The following PDE5A variants were observed in gnomAD, a reference collection of about 807,000 sequenced individuals.
The protein encoded by PDE5A is phosphodiesterase 5A.
In PDE5A, 67 loss-of-function variants were observed where a neutral mutation model predicts 110.2. The observed-to-expected ratio is 0.61, with a 90% CI of 0.50 to 0.75. PDE5A has a LOEUF of 0.75. Among genes scored for constraint, PDE5A ranks in the 30% least tolerant of loss-of-function variants. The pLI is 0.00. For synonymous variants in PDE5A, 328 were observed against 351.2 expected (o/e 0.93, Z 0.74); for missense variants, 862 against 1,045.1 (o/e 0.82, Z 2.42).
chr4:119,581,849 T>C (rs1278538142), intron 3 of PDE5A, among the ~76,000 whole-genome samples: 1 of 152,264 alleles, frequency 6.6e-6, no homozygotes, highest in African/African-American at 2.4e-5. Context: ...AATAGCACTA[T>C]GTCTAAAAAA....
At chr4:119,620,977 G>C (rs1444740312) in intron 1 of PDE5A, among the ~76,000 whole-genome samples, 2 of 152,174 alleles carry the variant, frequency 1.3e-5, no homozygotes, top group Admixed American at 6.5e-5. Flanking sequence ...CTGTTTTTCA[G>C]ATAGTTAGAA....
chr4:119,557,283 C>T (rs1465924768), intron 7 of PDE5A, among the ~76,000 whole-genome samples: 1 of 152,180 alleles, frequency 6.6e-6, no homozygotes, highest in African/African-American at 2.4e-5. Context: ...TCTTCCTCTC[C>T]TTAACTCTGG....
chr4:119,598,337 A>T (rs1352050916), intron 2 of PDE5A, among the ~76,000 whole-genome samples: 1 of 152,152 alleles, frequency 6.6e-6, no homozygotes, highest in African/African-American at 2.4e-5. Flanking sequence ...GAATAAATAC[A>T]TCCTTCAAAT....
rs566897432 is a variant in PDE5A at position 119,498,777 on chromosome 4, C to T, written c.2491-39G>A. 1.9e-6 allele frequency: 3 copies of T among 1,611,568 alleles called. No homozygotes were observed. In the South Asian group the frequency reaches 3.3e-5, roughly 18 times the overall value. On this transcript the variant is annotated intron_variant, in intron 20 of 20. Coordinates refer to ENST00000354960, the MANE Select transcript of PDE5A (RefSeq NM_001083.4). ...AGAAAGCAAACAGCTAGAGAGAAGC[C>T]AGGAAATAAGTCCTCTCCCACAGGC... is the stretch of plus-strand genomic sequence containing the variant.
At chr4:119,591,909 T>C (rs963502181) in intron 3 of PDE5A, among the ~76,000 whole-genome samples, 1 of 151,790 alleles carries the variant, frequency 6.6e-6, no homozygotes, top group Non-Finnish European at 1.5e-5. Flanking sequence ...CCCAGCACTT[T>C]GGGAGGCTGA....
At chr4:119,623,314 C>T (rs980639620) in intron 1 of PDE5A, among the ~76,000 whole-genome samples, 3 of 152,190 alleles carry the variant, frequency 2.0e-5, no homozygotes, top group Non-Finnish European at 4.4e-5. Context: ...ATCCTAAATT[C>T]ACAAATTAGT....
intron 2 of PDE5A, among the ~76,000 whole-genome samples, chr4:119,601,462 C>T (rs1264816235): frequency 2.6e-5 from 4 of 152,050 alleles, no homozygotes; most frequent in African/African-American, 9.7e-5. Context: ...CGCCACCTCC[C>T]ATACCTTGTC....
At position 119,521,126 on chromosome 4, in the gene PDE5A, A is replaced by G. The variant is rs1004929860; in HGVS notation, c.1780-66T>C. The G allele has an allele frequency of 7.6e-5, 113 of 1,490,656 alleles. 1 individual carries two copies. In the South Asian group the frequency reaches 1.2e-3, roughly 16 times the overall value. 92.3% of individuals were successfully genotyped at this position (1,490,656 alleles called of 1,614,324 possible). A position where few individuals can be genotyped will look rare whatever the true frequency, so the allele number is the denominator to read the frequency against. ...CATCTTCACACATTTACTATGTTCC[A>G]GACACTACAAAGCATTCACATTTAG... On this transcript the variant is annotated intron_variant, in intron 12 of 20. Coordinates refer to ENST00000354960, the MANE Select transcript of PDE5A (RefSeq NM_001083.4).
At chr4:119,522,689 GTAGT>G (rs1467320500) in intron 12 of PDE5A, among the ~76,000 whole-genome samples, 2 of 152,132 alleles carry the variant, frequency 1.3e-5, no homozygotes, top group East Asian at 3.9e-4. Flanking sequence ...AATGGACAAA[GTAGT>G]TAGTACCTAT....
In PDE5A at chr4:119,628,779, C is replaced by G; in HGVS notation, c.-108G>C. The G allele has an allele frequency of 6.8e-7, 1 of 1,479,992 alleles. No homozygotes were observed. Among genetic ancestry groups the G allele is most frequent in the Non-Finnish European group, 9.1e-7 (1 of 1,093,392 alleles). The allele number at this position is 1,479,992 out of a possible 1,614,324, so 91.7% of individuals were successfully genotyped here. A position where few individuals can be genotyped will look rare whatever the true frequency, so the allele number is the denominator to read the frequency against. On this transcript the variant is annotated 5_prime_UTR_variant, in exon 1 of 21. Transcript: ENST00000354960. ...GGCCTCGAGACCCTCCCCCTTCGTC[C>G]TGCTCCAGTCGGGCCGGCTTTCGAC...
At position 119,495,776 on chromosome 4, in the gene PDE5A, A is replaced by G. The variant is rs1725038876; in HGVS notation, c.*2825T>C. On this transcript the variant is annotated 3_prime_UTR_variant, in exon 21 of 21. Transcript: ENST00000354960. ...ATACTCAATGAGCTCTAAATCTCACATTCACTAGTGATCTGCAAGTGAAGC... is the reference window on the plus strand; with the variant it reads ...ATACTCAATGAGCTCTAAATCTCACGTTCACTAGTGATCTGCAAGTGAAGC... The G allele has an allele frequency of 6.6e-6, 1 of 152,192 alleles. No individual in the cohort carries two copies. Among genetic ancestry groups the G allele is most frequent in the South Asian group, 2.1e-4 (1 of 4,836 alleles). 9.4% of individuals were successfully genotyped at this position (152,192 alleles called of 1,614,324 possible).
At chr4:119,624,121 C>G (rs1189888061) in intron 1 of PDE5A, among the ~76,000 whole-genome samples, 2 of 151,980 alleles carry the variant, frequency 1.3e-5, no homozygotes, top group Non-Finnish European at 2.9e-5. Context: ...GAAAAAAAGG[C>G]CATTATTGCA....
intron 18 of PDE5A, 122 bp from the exon 19 acceptor site, chr4:119,502,777 CTT>C: frequency 1.6e-6 from 1 of 644,290 alleles, no homozygotes; most frequent in South Asian, 1.9e-5. Context: ...TAAGCAGCAG[CTT>C]GATACCCGAA....
intron 3 of PDE5A, among the ~76,000 whole-genome samples, chr4:119,583,999 G>A (rs945633673): frequency 1.3e-5 from 2 of 152,188 alleles, no homozygotes; most frequent in African/African-American, 4.8e-5. Flanking sequence ...ACATAGAGGA[G>A]AGAACTGCTG....
At chr4:119,590,164 C>T (rs1328820855) in intron 3 of PDE5A, among the ~76,000 whole-genome samples, 2 of 152,114 alleles carry the variant, frequency 1.3e-5, no homozygotes, top group Non-Finnish European at 2.9e-5. Flanking sequence ...GTCTCAGTTT[C>T]CTTTTTTGTT....
At chr4:119,531,467 A>G (rs1038019318) in intron 11 of PDE5A, among the ~76,000 whole-genome samples, 3 of 151,938 alleles carry the variant, frequency 2.0e-5, no homozygotes, top group African/African-American at 4.8e-5. Flanking sequence ...CAGTAGAGAC[A>G]GGGTTTCACC....
At chr4:119,529,115 A>AT (rs139998777) in intron 11 of PDE5A, among the ~76,000 whole-genome samples, 4,612 of 145,266 alleles carry the variant, frequency 0.032, 237 homozygotes, top group African/African-American at 0.11. Flanking sequence ...TGAAATTGTC[A>AT]TTTTTTTTTT....
At chr4:119,588,501 TA>T (rs1279300922) in intron 3 of PDE5A, among the ~76,000 whole-genome samples, 1 of 146,522 alleles carries the variant, frequency 6.8e-6, no homozygotes, top group African/African-American at 2.5e-5. Flanking sequence ...GAAAAAAATT[TA>T]AAAGCAAGTA....
chr4:119,545,149 C>A (rs28718422), intron 9 of PDE5A, among the ~76,000 whole-genome samples: 39,921 of 151,968 alleles, frequency 0.26, 5,377 homozygotes, highest in East Asian at 0.38. Flanking sequence ...TCCCATTGAT[C>A]TCTTTACACT....
Sources: gnomAD v4.1 joint callset for allele counts (sites outside exome capture counted in the v4.1 genomes callset) on GRCh38, gnomAD v4.1.1 for gene constraint, MANE v1.5 for transcripts, NCBI Gene and HGNC (gene_info 2026-07-23, HGNC 2026-07-21) for gene names.